GRAMD1B: variants seen among roughly 807,000 people sequenced by gnomAD.
GRAMD1B encodes the protein GRAM domain containing 1B.
A neutral mutation model predicts 99.7 loss-of-function variants in GRAMD1B; 37 were observed. The observed-to-expected ratio is 0.37, with a 90% CI of 0.29 to 0.49. The LOEUF (loss-of-function observed/expected upper bound fraction) is 0.49. Ranked by LOEUF, GRAMD1B falls within the 20% of genes least tolerant of loss-of-function variation. The pLI, the probability that GRAMD1B is intolerant of heterozygous loss-of-function variation, is 0.98. For synonymous variants in GRAMD1B, 427 were observed against 387.6 expected, an observed-to-expected ratio of 1.10 and a Z score of -1.19; for missense variants, 888 against 1,009.2, an observed-to-expected ratio of 0.88 and a Z score of 1.63.
At chr11:123,473,063 AT>A (rs141941267) in intron 1 of GRAMD1B, among the ~76,000 whole-genome samples, 15,655 of 151,838 alleles carry the variant, frequency 0.1, 905 homozygotes, top group Middle Eastern at 0.16. Flanking sequence ...TGCCTAAATA[AT>A]TTCTTCTTTT....
intron 2 of GRAMD1B, among the ~76,000 whole-genome samples, chr11:123,507,666 T>C (rs1371126280): frequency 3.9e-5 from 6 of 152,212 alleles, no homozygotes; most frequent in Non-Finnish European, 8.8e-5. Context: ...TCACTGTACA[T>C]AGGACATAGG....
rs573145096 is a variant in GRAMD1B, at chr11:123,369,362, G to A, written c.-176+10563G>A. 6.6e-5 allele frequency among the ~76,000 whole-genome samples: 10 copies of A among 152,202 alleles called. No homozygotes were observed. The East Asian group carries it at 1.9e-3, about 29-fold the overall frequency. On this transcript the variant is annotated intron_variant, in intron 1 of 20. Coordinates refer to the GRAMD1B transcript ENST00000638157. ...TCAATACATAAGAAATATCTAGATA[G>A]GGAGAGGTTGCAAATATAGAAAGAA...
At chr11:123,471,043 G>A (rs1950992489) in intron 1 of GRAMD1B, among the ~76,000 whole-genome samples, 1 of 152,140 alleles carries the variant, frequency 6.6e-6, no homozygotes, top group African/African-American at 2.4e-5. Flanking sequence ...TGACCACATC[G>A]TTCAGTTCTG....
chr11:123,527,272 C>T (rs568703958), intron 2 of GRAMD1B, among the ~76,000 whole-genome samples: 1 of 152,272 alleles, frequency 6.6e-6, no homozygotes, highest in South Asian at 2.1e-4. Flanking sequence ...GGGGTCCTAA[C>T]CTGGCTCTGG....
At chr11:123,491,640 C>T (rs969100191) in intron 2 of GRAMD1B, 10 of 369,172 alleles carry the variant, frequency 2.7e-5, no homozygotes, top group African/African-American at 6.3e-5. Flanking sequence ...GAGGGGATCT[C>T]GGTAACGCAG....
At chr11:123,424,097 C>T (rs985319430) in intron 1 of GRAMD1B, among the ~76,000 whole-genome samples, 2 of 152,032 alleles carry the variant, frequency 1.3e-5, no homozygotes, top group Non-Finnish European at 2.9e-5. Context: ...ATTTGCCATT[C>T]ATATGGTCAA....
upstream of GRAMD1B, among the ~76,000 whole-genome samples, chr11:123,427,514 G>A (rs2134143549): frequency 6.6e-6 from 1 of 152,300 alleles, no homozygotes; most frequent in South Asian, 2.1e-4. Context: ...TTCTCAAGGA[G>A]CTTATAGTCT....
intron 17 of GRAMD1B, chr11:123,618,265 C>A: frequency 1.7e-6 from 2 of 1,177,964 alleles, no homozygotes; most frequent in Non-Finnish European, 2.5e-6. Flanking sequence ...GGTTGATTTT[C>A]AGTGCAGGTT....
chr11:123,379,046 G>A (rs1009453247), intron 1 of GRAMD1B, among the ~76,000 whole-genome samples: 8 of 152,182 alleles, frequency 5.3e-5, no homozygotes, highest in African/African-American at 1.9e-4. Flanking sequence ...AGGGAAGATG[G>A]AGATAAGGAA....
At chr11:123,517,157 T>C (rs192730248) in intron 2 of GRAMD1B, among the ~76,000 whole-genome samples, 129 of 152,308 alleles carry the variant, frequency 8.5e-4, no homozygotes, top group Middle Eastern at 6.8e-3. Context: ...TGACCTCAAA[T>C]GATCCACCTG....
intron 2 of GRAMD1B, chr11:123,560,270 A>C: frequency 3.6e-6 from 4 of 1,122,366 alleles, no homozygotes; most frequent in Non-Finnish European, 4.4e-6. Context: ...CTGAGCTCAG[A>C]ACAGCTGTCT....
At chr11:123,576,195 C>G (rs1269795093) in intron 2 of GRAMD1B, among the ~76,000 whole-genome samples, 1 of 152,168 alleles carries the variant, frequency 6.6e-6, no homozygotes, top group Non-Finnish European at 1.5e-5. Flanking sequence ...ACAGCTGCAT[C>G]TTCATGCAAA....
chr11:123,609,966 G>C, intron 13 of GRAMD1B, 53 bp downstream of exon 13: 1 of 1,085,036 alleles, frequency 9.2e-7, no homozygotes. Context: ...CCTGTGTTCT[G>C]TCTTGAAGGA....
At chr11:123,369,600 G>A (rs1388234051) in intron 1 of GRAMD1B, among the ~76,000 whole-genome samples, 5 of 152,198 alleles carry the variant, frequency 3.3e-5, no homozygotes, top group Admixed American at 6.5e-5. Flanking sequence ...GGCCAGGCAC[G>A]GTGGCTCATG....
intron 1 of GRAMD1B, among the ~76,000 whole-genome samples, chr11:123,390,967 C>T (rs1947256157): frequency 6.6e-6 from 1 of 152,250 alleles, no homozygotes; most frequent in African/African-American, 2.4e-5. Context: ...CTTAGATCCA[C>T]TCAGCTGCCC....
intron 1 of GRAMD1B, among the ~76,000 whole-genome samples, chr11:123,464,027 C>A (rs1950551980): frequency 1.3e-5 from 2 of 151,886 alleles, no homozygotes; most frequent in South Asian, 4.2e-4. Context: ...TAGAAGATAA[C>A]AGGGGTGGGC....
Position 123,610,402 on chromosome 11 carries a change from G to T in GRAMD1B, c.1919+64G>T. ...TCCTTACCTTAGAGAACATTCATTT[G>T]CTCCTGACGGGGAAGGAGGAGGTGG... On this transcript the variant is annotated intron_variant, in intron 14 of 19. Transcript: ENST00000635736. This position sits in a 1 kb window ranked among gnomAD's most constrained non-coding sequence, Gnocchi z 4.1. The T allele has an allele frequency of 6.6e-7, 1 of 1,516,542 alleles. No individual in the cohort carries two copies. The highest frequency in any genetic ancestry group is 9.1e-7 in the Non-Finnish European group (1 of 1,094,656). The allele number at this position is 1,516,542 out of a possible 1,614,324, so 93.9% of individuals were successfully genotyped here.
Position 123,430,757 on chromosome 11 carries a change from G to T in GRAMD1B, c.-36G>T. On this transcript the variant is annotated 5_prime_UTR_variant, in exon 1 of 20. Coordinates refer to ENST00000635736, the MANE Select transcript of GRAMD1B (RefSeq NM_001387025.1). The stretch of plus-strand genomic sequence containing the variant: ...GGGAGACGCGAACCAGGCCGCTGGC[G>T]GAGGGCTCAGGGGGAGCGCAGAGGC... 3.2e-6 allele frequency: 2 copies of T among 618,726 alleles called. No individual in the cohort carries two copies. Among genetic ancestry groups the T allele is most frequent in the Non-Finnish European group, 5.7e-6 (2 of 349,056 alleles). 38.3% of individuals were successfully genotyped at this position (618,726 alleles called of 1,614,324 possible). A position where few individuals can be genotyped will look rare whatever the true frequency, so the allele number is the denominator to read the frequency against.
intron 2 of GRAMD1B, among the ~76,000 whole-genome samples, chr11:123,482,433 C>T (rs1291859577): frequency 6.6e-6 from 1 of 152,066 alleles, no homozygotes; most frequent in African/African-American, 2.4e-5. Context: ...GAAATGTGAT[C>T]TTGTATATTT....
Sources: gnomAD v4.1 joint callset for allele counts (sites outside exome capture counted in the v4.1 genomes callset) on GRCh38, gnomAD v4.1.1 for gene constraint, Gnocchi (gnomAD v3.1) non-coding constraint, MANE v1.5 for transcripts, NCBI Gene and HGNC (gene_info 2026-07-23, HGNC 2026-07-21) for gene names.